The following EIF5B variants were observed in gnomAD, a reference collection of about 807,000 sequenced individuals.
The protein encoded by EIF5B is eukaryotic translation initiation factor 5B.
In EIF5B, 47 loss-of-function variants were observed where a neutral mutation model predicts 147.5. The ratio of observed to expected loss-of-function variants is 0.32; its 90% CI spans 0.25 to 0.41. EIF5B has a LOEUF of 0.41. EIF5B is among the 10% of genes least tolerant of loss of function. The pLI is 1.00. For missense variants in EIF5B, 1,064 were observed against 1,413.2 expected (o/e 0.75, Z 3.96); for synonymous variants, 455 against 456.2 (o/e 1.00, Z 0.03).
chr2:99,341,140 C>G (rs1230890259), intron 1 of EIF5B, among the ~76,000 whole-genome samples: 1 of 152,146 alleles, frequency 6.6e-6, no homozygotes, highest in Admixed American at 6.5e-5. Flanking sequence ...TTTCAGTTGA[C>G]TCGGGAAACT....
At chr2:99,346,400 A>G (rs2094273430) in intron 1 of EIF5B, among the ~76,000 whole-genome samples, 1 of 152,126 alleles carries the variant, frequency 6.6e-6, no homozygotes, top group Non-Finnish European at 1.5e-5. Flanking sequence ...GTTAAAATTT[A>G]TTAGTAATTA....
chr2:99,376,498 G>A lies in EIF5B; in HGVS notation c.1704G>A (p.Lys568=), dbSNP rs759451393. 1 of 1,613,832 alleles carries A rather than the reference G, an allele frequency of 6.2e-7. No homozygotes were observed. The highest frequency in any genetic ancestry group is 2.2e-5 in the East Asian group (1 of 44,846). Residue 568 remains lysine (K), a synonymous_variant, in exon 10 of 24, where the codon AAG becomes AAA. Transcript: ENST00000289371. ...GTGAAGGTGATGAGGAAGATGAAAA[G>A]GTGTCAGATGAGAAGGATTCAGGGA... ...EGSEGDEEDE[K]VSDEKDSGKT... is the part of the protein sequence containing the mutation.
At chr2:99,365,460 A>G (rs935185276) in intron 6 of EIF5B, among the ~76,000 whole-genome samples, 2 of 152,206 alleles carry the variant, frequency 1.3e-5, no homozygotes, top group Non-Finnish European at 2.9e-5. Flanking sequence ...AATGGAGAAT[A>G]TAGCTTTTGT....
intron 20 of EIF5B, 56 bp from the exon 21 acceptor site, chr2:99,394,663 T>C (rs1173703274): frequency 1.2e-6 from 2 of 1,610,464 alleles, no homozygotes; most frequent in African/African-American, 2.7e-5. Context: ...AAAACTGTCC[T>C]CTGTGACATA....
At chr2:99,378,400 C>T (rs1232511862) in intron 10 of EIF5B, among the ~76,000 whole-genome samples, 4 of 152,120 alleles carry the variant, frequency 2.6e-5, no homozygotes, top group South Asian at 2.1e-4. Flanking sequence ...CGGAGAAGCA[C>T]GTTGTGGTTC....
At chr2:99,395,033 A>G in intron 21 of EIF5B, 150 bp downstream of exon 21, 1 of 739,854 alleles carries the variant, frequency 1.4e-6, no homozygotes, top group East Asian at 2.8e-5. Flanking sequence ...CAAACCAGAA[A>G]CCCAACATAC....
intron 1 of EIF5B, among the ~76,000 whole-genome samples, chr2:99,341,174 A>C (rs1405595561): frequency 1.3e-5 from 2 of 152,244 alleles, no homozygotes; most frequent in Admixed American, 1.3e-4. Context: ...GCTAGGATTC[A>C]ATATCCACAT....
chr2:99,373,756 T>C (rs1674502577), intron 9 of EIF5B, among the ~76,000 whole-genome samples: 1 of 152,234 alleles, frequency 6.6e-6, no homozygotes, highest in African/African-American at 2.4e-5. Flanking sequence ...CTAAGTCGTT[T>C]TTTGTTCTGC....
At chr2:99,351,006 T>G (rs1161098793) in intron 1 of EIF5B, among the ~76,000 whole-genome samples, 1 of 152,246 alleles carries the variant, frequency 6.6e-6, no homozygotes, top group Non-Finnish European at 1.5e-5. Context: ...AGATTATAGA[T>G]TTGTTCTTAT....
At chr2:99,366,088 TAC>T (rs3838486) in intron 6 of EIF5B, among the ~76,000 whole-genome samples, 57,974 of 151,906 alleles carry the variant, frequency 0.38, 11,842 homozygotes, top group East Asian at 0.63. Flanking sequence ...ACTAAGCATA[TAC>T]ACACACACAC....
At chr2:99,396,402 G>A (rs1302917239) in intron 21 of EIF5B, among the ~76,000 whole-genome samples, 2 of 152,254 alleles carry the variant, frequency 1.3e-5, no homozygotes, top group East Asian at 1.9e-4. Context: ...CTGTCACCAG[G>A]TACTGCCTAG....
intron 20 of EIF5B, 65 bp downstream of exon 20, chr2:99,394,650 T>TA: frequency 1.2e-6 from 2 of 1,611,086 alleles, no homozygotes; most frequent in Admixed American, 1.7e-5. Context: ...TGTCCTATCT[T>TA]AAAAAACTGT....
At chr2:99,369,916 C>CA (rs1464669033) in intron 8 of EIF5B, among the ~76,000 whole-genome samples, 3 of 151,920 alleles carry the variant, frequency 2.0e-5, no homozygotes, top group Admixed American at 2.0e-4. Flanking sequence ...GCAGAGGTTG[C>CA]AGGGAGATTT....
chr2:99,377,577 C>T (rs1056105812), intron 10 of EIF5B, among the ~76,000 whole-genome samples: 1 of 151,668 alleles, frequency 6.6e-6, no homozygotes, highest in African/African-American at 2.4e-5. Context: ...GCCATATACC[C>T]ATGTTCGAGA....
At chr2:99,379,921 A>G (rs1208666243) in intron 12 of EIF5B, among the ~76,000 whole-genome samples, 6 of 152,212 alleles carry the variant, frequency 3.9e-5, no homozygotes, top group Non-Finnish European at 8.8e-5. Flanking sequence ...GTTGAGCAAT[A>G]TAACCTTGCA....
Position 99,400,675 on chromosome 2 carries a change from T to G in EIF5B, c.*1261T>G, listed in dbSNP as rs1423144008. The G allele has an allele frequency of 6.6e-6, 1 of 152,146 alleles. No homozygotes were observed. Among genetic ancestry groups the G allele is most frequent in the African/African-American group, 2.4e-5 (1 of 41,430 alleles). The allele number at this position is 152,146 out of a possible 1,614,324, so 9.4% of individuals were successfully genotyped here. A position where few individuals can be genotyped will look rare whatever the true frequency, so the allele number is the denominator to read the frequency against. Reference sequence around the variant, plus strand: ...AAAAATCTTCAAGTGGGTGTGAGGGTGTTTCTAATTCAAAATATGTAGATT... The same window carrying G: ...AAAAATCTTCAAGTGGGTGTGAGGGGGTTTCTAATTCAAAATATGTAGATT... On this transcript the variant is annotated 3_prime_UTR_variant, in exon 24 of 24. Coordinates refer to ENST00000289371, the MANE Select transcript of EIF5B (RefSeq NM_015904.4).
chr2:99,351,704 T>C (rs771716279), intron 1 of EIF5B, among the ~76,000 whole-genome samples: 1 of 152,168 alleles, frequency 6.6e-6, no homozygotes, highest in African/African-American at 2.4e-5. Flanking sequence ...TTTTGTTTGT[T>C]TGTTTGTTTT....
rs982321596 is a variant in EIF5B, at chr2:99,337,413, G to A, written c.-142G>A. ...CACACCATATGTGTCCTGTTCCAGT[G>A]CGCGGGTCTGTGGAGAGCCGGGTGC... On this transcript the variant is annotated 5_prime_UTR_variant, in exon 1 of 24. Coordinates refer to ENST00000289371, the MANE Select transcript of EIF5B (RefSeq NM_015904.4). 4.0e-6 allele frequency: 4 copies of A among 1,011,714 alleles called. No homozygotes were observed. Among genetic ancestry groups the A allele is most frequent in the African/African-American group, 1.6e-5 (1 of 62,480 alleles). 62.7% of individuals were successfully genotyped at this position (1,011,714 alleles called of 1,614,324 possible). A position where few individuals can be genotyped will look rare whatever the true frequency, so the allele number is the denominator to read the frequency against.
rs1388702248 is a variant in EIF5B at position 99,378,976 on chromosome 2, AAAT to A, written c.1843-38_1843-36del. On this transcript the variant is annotated intron_variant, in intron 10 of 23. Coordinates refer to ENST00000289371, the MANE Select transcript of EIF5B (RefSeq NM_015904.4). ...AGAAAATAAGGATAGTGAGGATTTG[AAAT>A]AATATTTAATTTTTGATTTTTTTTT... is the stretch of plus-strand genomic sequence containing the variant. 6 of 1,413,146 alleles carry A rather than the reference AAAT, an allele frequency of 4.2e-6. No individual in the cohort carries two copies. The South Asian group carries it at 8.8e-5, about 21-fold the overall frequency. 87.5% of individuals were successfully genotyped at this position (1,413,146 alleles called of 1,614,324 possible).
Sources: allele counts gnomAD v4.1 joint callset (sites outside exome capture counted in the v4.1 genomes callset), GRCh38; gene constraint gnomAD v4.1.1; transcripts MANE v1.5; gene names NCBI Gene and HGNC (gene_info 2026-07-23, HGNC 2026-07-21).